The following PNPT1 variants were observed in gnomAD, a reference collection of about 807,000 sequenced individuals.
PNPT1 encodes polyribonucleotide nucleotidyltransferase 1, mitochondrial.
In PNPT1, 53 loss-of-function variants were observed where a neutral mutation model predicts 119.5. The ratio of observed to expected loss-of-function variants is 0.44; its 90% CI spans 0.36 to 0.56. The LOEUF (loss-of-function observed/expected upper bound fraction) is 0.56. Ranked by LOEUF, PNPT1 falls within the 20% of genes least tolerant of loss-of-function variation. The probability of loss-of-function intolerance (pLI) is 0.00; values close to 1 mark genes in which losing one functional copy is unlikely to be tolerated. For missense variants in PNPT1, 948 were observed against 938.5 expected, an observed-to-expected ratio of 1.01 and a Z score of -0.13; for synonymous variants, 357 against 322.1, an observed-to-expected ratio of 1.11 and a Z score of -1.16.
At chr2:55,680,206 T>G (rs1442595819) in intron 7 of PNPT1, among the ~76,000 whole-genome samples, 4 of 152,202 alleles carry the variant, frequency 2.6e-5, no homozygotes, top group Non-Finnish European at 4.4e-5. Flanking sequence ...GACTATGTCT[T>G]TATAATAACA....
chr2:55,662,473 G>A (rs566351363), intron 13 of PNPT1, among the ~76,000 whole-genome samples: 33 of 152,194 alleles, frequency 2.2e-4, no homozygotes, highest in Admixed American at 2.0e-3. Flanking sequence ...TCAGGAATTC[G>A]AGATCAGCCT....
intron 5 of PNPT1, among the ~76,000 whole-genome samples, chr2:55,681,720 C>T (rs1175420416): frequency 1.3e-5 from 2 of 151,500 alleles, no homozygotes. Context: ...TAGTGCACGC[C>T]TATAATCCCA....
At position 55,643,355 on chromosome 2, in the gene PNPT1, C is replaced by T. The variant is rs1421397293; in HGVS notation, c.1977G>A (p.Glu659=). Residue 659 remains glutamate (E), a synonymous_variant, in exon 24 of 28, where the codon GAG becomes GAA. Transcript: ENST00000447944. ...AGATTTCAGTAATGAAGTCTCTTGCCTCATGCATAGCACTGGGTGTTGGTG... is the reference window on the plus strand; with the variant it reads ...AGATTTCAGTAATGAAGTCTCTTGCTTCATGCATAGCACTGGGTGTTGGTG... ...VFAPTPSAMH[E]ARDFITEICK... is the part of the protein sequence containing the mutation. 2.5e-6 allele frequency: 4 copies of T among 1,614,066 alleles called. No homozygotes were observed. The South Asian group carries it at 3.3e-5, about 13-fold the overall frequency.
At chr2:55,666,139 C>T (rs1407459295) in intron 13 of PNPT1, among the ~76,000 whole-genome samples, 2 of 152,078 alleles carry the variant, frequency 1.3e-5, no homozygotes, top group African/African-American at 2.4e-5. Context: ...AAAATGCAAA[C>T]TAATTTATAG....
intron 15 of PNPT1, among the ~76,000 whole-genome samples, chr2:55,658,909 A>T (rs1030511116): frequency 6.6e-6 from 1 of 152,180 alleles, no homozygotes; most frequent in Non-Finnish European, 1.5e-5. Flanking sequence ...GGTTACACAA[A>T]AACGAAATGA....
At chr2:55,637,435 C>G in intron 27 of PNPT1, 117 bp downstream of exon 27, 2 of 860,968 alleles carry the variant, frequency 2.3e-6, no homozygotes, top group Non-Finnish European at 3.8e-6. Flanking sequence ...AAATGAAGTA[C>G]TGCATACAAA....
At chr2:55,680,970 T>A in intron 5 of PNPT1, 52 bp from the exon 6 acceptor site, 1 of 1,439,400 alleles carries the variant, frequency 6.9e-7, no homozygotes, top group Non-Finnish European at 9.7e-7. Flanking sequence ...TAGGTTAACA[T>A]CCTGACCTAA....
At chr2:55,693,586 C>G (rs1697691101) in intron 1 of PNPT1, 77 bp downstream of exon 1, 1 of 1,572,564 alleles carries the variant, frequency 6.4e-7, no homozygotes. Flanking sequence ...CGGGTTTCTA[C>G]CCTGGGAGAT....
rs1019029122 is a variant in PNPT1, at chr2:55,679,728, A to G, written c.633T>C (p.Ser211=). Residue 211 remains serine (S), a synonymous_variant, in exon 8 of 28, where the codon TCT becomes TCC. Coordinates refer to ENST00000447944, the MANE Select transcript of PNPT1 (RefSeq NM_033109.5). ...CAGCAACCACTAAATTTAAAGTACTAGAAGACATTTCTTTTCTTGTTGGGT... is the reference window on the plus strand; with the variant it reads ...CAGCAACCACTAAATTTAAAGTACTGGAAGACATTTCTTTTCTTGTTGGGT... ...VVNPTRKEMS[S]STLNLVVAGA... 1.2e-6 allele frequency: 2 copies of G among 1,612,852 alleles called. No individual in the cohort carries two copies. Among genetic ancestry groups the G allele is most frequent in the African/African-American group, 2.7e-5 (2 of 74,912 alleles).
chr2:55,644,855 T>C, intron 22 of PNPT1, 135 bp from the exon 23 acceptor site: 1 of 492,514 alleles, frequency 2.0e-6, no homozygotes, highest in Non-Finnish European at 3.5e-6. Context: ...AACAGAAAAG[T>C]AGATGATTAA....
At chr2:55,673,361 C>T (rs1696972482) in intron 8 of PNPT1, among the ~76,000 whole-genome samples, 1 of 150,948 alleles carries the variant, frequency 6.6e-6, no homozygotes, top group Non-Finnish European at 1.5e-5. Flanking sequence ...AAATCATGCA[C>T]ATATTTTAAA....
At chr2:55,676,642 A>G (rs562692442) in intron 8 of PNPT1, among the ~76,000 whole-genome samples, 101 of 152,272 alleles carry the variant, frequency 6.6e-4, no homozygotes, top group African/African-American at 2.3e-3. Flanking sequence ...CAGGTGGATC[A>G]CCTGAGGTCA....
intron 5 of PNPT1, among the ~76,000 whole-genome samples, chr2:55,682,544 G>A (rs1697280440): frequency 6.6e-6 from 1 of 151,882 alleles, no homozygotes; most frequent in Non-Finnish European, 1.5e-5. Context: ...ACTTAAAAAA[G>A]TTCTTTTTAT....
intron 1 of PNPT1, among the ~76,000 whole-genome samples, chr2:55,688,012 G>T (rs1188093307): frequency 6.6e-6 from 1 of 151,786 alleles, no homozygotes; most frequent in Non-Finnish European, 1.5e-5. Flanking sequence ...TTGAGGTGGG[G>T]GGTGGTCTTT....
At chr2:55,681,635 G>C (rs536492488) in intron 5 of PNPT1, among the ~76,000 whole-genome samples, 3 of 151,750 alleles carry the variant, frequency 2.0e-5, no homozygotes, top group African/African-American at 7.3e-5. Context: ...ACTTGAGGTC[G>C]GGAGTTCAAG....
chr2:55,676,872 A>G (rs1428208303), intron 8 of PNPT1, among the ~76,000 whole-genome samples: 2 of 152,142 alleles, frequency 1.3e-5, no homozygotes, highest in African/African-American at 2.4e-5. Flanking sequence ...CAAAAAAAAA[A>G]AAAAAGATTT....
intron 7 of PNPT1, 65 bp from the exon 8 acceptor site, chr2:55,679,860 A>C: frequency 9.0e-7 from 1 of 1,107,556 alleles, no homozygotes; most frequent in South Asian, 1.4e-5. Flanking sequence ...ACATTATTCC[A>C]GTCATGGCTT....
chr2:55,683,885 C>T (rs1697320364), intron 4 of PNPT1, 51 bp from the exon 5 acceptor site: 1 of 1,563,024 alleles, frequency 6.4e-7, no homozygotes, highest in Middle Eastern at 1.7e-4. Flanking sequence ...AGTTGCTTTA[C>T]AGTTCAAAAC....
intron 11 of PNPT1, among the ~76,000 whole-genome samples, chr2:55,671,081 A>G (rs1361124901): frequency 1.3e-5 from 2 of 152,124 alleles, no homozygotes; most frequent in Non-Finnish European, 2.9e-5. Flanking sequence ...CAGTTCGGGG[A>G]AGCTTTGGAG....
Sources: gnomAD v4.1 joint callset for allele counts (sites outside exome capture counted in the v4.1 genomes callset) on GRCh38, gnomAD v4.1.1 for gene constraint, MANE v1.5 for transcripts, NCBI Gene and HGNC (gene_info 2026-07-23, HGNC 2026-07-21) for gene names.